NRP1: variants seen among roughly 807,000 people sequenced by gnomAD.
NRP1 encodes the protein neuropilin 1.
NRP1 carries 35 observed loss-of-function variants against 106.7 expected under a neutral mutation model. The ratio of observed to expected loss-of-function variants is 0.33; its 90% confidence interval spans 0.25 to 0.43. The LOEUF (loss-of-function observed/expected upper bound fraction) is 0.43, where lower values mean the gene tolerates loss of function less well. Ranked by LOEUF, NRP1 falls within the 20% of genes least tolerant of loss-of-function variation. The pLI is 1.00. For synonymous variants in NRP1, 437 were observed against 417.9 expected, an observed-to-expected ratio of 1.05 and a Z score of -0.56; for missense variants, 1,024 against 1,170.4, an observed-to-expected ratio of 0.87 and a Z score of 1.83.
At chr10:33,181,837 C>T (rs928892306) in intron 16 of NRP1, among the ~76,000 whole-genome samples, 4 of 152,270 alleles carry the variant, frequency 2.6e-5, no homozygotes, top group South Asian at 2.1e-4. Flanking sequence ...CAGTGGCTCA[C>T]GCCTGTAATC....
At chr10:33,263,547 G>T (rs1483965247) in intron 4 of NRP1, 99 bp downstream of exon 4, 10 of 832,866 alleles carry the variant, frequency 1.2e-5, no homozygotes, top group African/African-American at 1.7e-5. Flanking sequence ...TCCTTTTGAG[G>T]TTTTTTTTAA....
At chr10:33,292,614 G>A (rs1037385435) in intron 2 of NRP1, among the ~76,000 whole-genome samples, 34 of 152,142 alleles carry the variant, frequency 2.2e-4, no homozygotes, top group African/African-American at 6.8e-4. Flanking sequence ...CAATCTTAAC[G>A]TAGGGCTTGA....
chr10:33,249,548 T>A (rs1001662161), intron 6 of NRP1: 6 of 519,518 alleles, frequency 1.2e-5, no homozygotes, highest in Admixed American at 2.1e-5. Context: ...GTATTTTGCA[T>A]CCTAGAATGA....
At position 33,210,132 on chromosome 10, in the gene NRP1, G is replaced by T. The variant is rs182600925; in HGVS notation, c.1615-2416C>A. ...AATTGGCCTTTTCCAACTCAGAAAAGCCTCTAGGAGTTTAAAAATGCATTG... is the reference window on the plus strand; with the variant it reads ...AATTGGCCTTTTCCAACTCAGAAAATCCTCTAGGAGTTTAAAAATGCATTG... On this transcript the variant is annotated intron_variant, in intron 9 of 16. Coordinates refer to ENST00000374867, the MANE Select transcript of NRP1 (RefSeq NM_003873.7). Among the ~76,000 whole-genome samples the T allele has an allele frequency of 8.5e-5, 13 of 152,242 alleles. No homozygotes were observed. In the East Asian group the frequency reaches 1.5e-3, roughly 18 times the overall value.
At chr10:33,190,611 T>C (rs1472575758) in intron 13 of NRP1, among the ~76,000 whole-genome samples, 1 of 152,196 alleles carries the variant, frequency 6.6e-6, no homozygotes, top group Non-Finnish European at 1.5e-5. Flanking sequence ...ACTGACTCAC[T>C]CACCCAAAGA....
chr10:33,307,435 C>T (rs533886023), intron 2 of NRP1, among the ~76,000 whole-genome samples: 7 of 152,046 alleles, frequency 4.6e-5, no homozygotes, highest in South Asian at 2.1e-4. Context: ...CCTATCTGGC[C>T]GTTTTCAGAA....
chr10:33,205,841 C>A (rs1837730104), intron 10 of NRP1: 1 of 181,892 alleles, frequency 5.5e-6, no homozygotes, highest in Non-Finnish European at 1.2e-5. Context: ...CATTTTTTTC[C>A]CCCTAAACCA....
chr10:33,204,470 C>T lies in NRP1; in HGVS notation c.1760-1475G>A, dbSNP rs528717779. Among the ~76,000 whole-genome samples, 21 of 152,356 alleles carry T rather than the reference C, an allele frequency of 1.4e-4. No homozygotes were observed. In the South Asian group the frequency reaches 4.3e-3, roughly 32 times the overall value. On this transcript the variant is annotated intron_variant, in intron 10 of 16. Transcript: ENST00000374867. Reference sequence around the variant, plus strand: ...TCTTGCTGAAACAGTAGTATCTCCTCTGGCAAGCCAGATAGTTGTCTTTCT... The same window carrying T: ...TCTTGCTGAAACAGTAGTATCTCCTTTGGCAAGCCAGATAGTTGTCTTTCT...
intron 2 of NRP1, among the ~76,000 whole-genome samples, chr10:33,327,666 T>C (rs1847983276): frequency 6.8e-6 from 1 of 146,856 alleles, no homozygotes; most frequent in Admixed American, 6.8e-5. Context: ...CCAGGTTTTT[T>C]TTTTCCCCCT....
intron 15 of NRP1, 58 bp from the exon 16 acceptor site, chr10:33,182,806 C>A: frequency 4.3e-6 from 5 of 1,175,222 alleles, no homozygotes; most frequent in African/African-American, 1.5e-5. Context: ...ATATAATGCA[C>A]CAAACTACAC....
At chr10:33,233,393 G>A (rs1840311680) in intron 6 of NRP1, among the ~76,000 whole-genome samples, 1 of 152,164 alleles carries the variant, frequency 6.6e-6, no homozygotes, top group South Asian at 2.1e-4. Context: ...CCCAGACAAA[G>A]AGAAGCAAGG....
chr10:33,253,216 C>G (rs1402271980), intron 6 of NRP1, among the ~76,000 whole-genome samples: 3 of 152,078 alleles, frequency 2.0e-5, no homozygotes, highest in Non-Finnish European at 4.4e-5. Flanking sequence ...AGCATCAGGC[C>G]TTTGGGTGGG....
At chr10:33,318,151 T>G (rs1847170386) in intron 2 of NRP1, among the ~76,000 whole-genome samples, 2 of 152,176 alleles carry the variant, frequency 1.3e-5, no homozygotes, top group Admixed American at 1.3e-4. Context: ...CACTTTTGTT[T>G]CGGAATTAAA....
At chr10:33,222,010 T>G (rs1349545812) in intron 7 of NRP1, 147 bp from the exon 8 acceptor site, 2 of 780,838 alleles carry the variant, frequency 2.6e-6, no homozygotes, top group Non-Finnish European at 4.1e-6. Flanking sequence ...GCCATGTTAA[T>G]TTTTTCAATT....
intron 2 of NRP1, among the ~76,000 whole-genome samples, chr10:33,289,126 C>T (rs1217326471): frequency 2.0e-5 from 3 of 152,134 alleles, no homozygotes; most frequent in Non-Finnish European, 4.4e-5. Flanking sequence ...TCTTCTAAAT[C>T]GTTTAGGAAC....
At chr10:33,229,698 C>A (rs181836728) in intron 6 of NRP1, among the ~76,000 whole-genome samples, 90 of 152,058 alleles carry the variant, frequency 5.9e-4, no homozygotes, top group Non-Finnish European at 8.4e-4. Context: ...CAGAAGATTC[C>A]TAGGTATTAG....
chr10:33,304,631 C>A (rs1156799081), intron 2 of NRP1, among the ~76,000 whole-genome samples: 2 of 152,158 alleles, frequency 1.3e-5, no homozygotes, highest in African/African-American at 4.8e-5. Context: ...CTGTGTCTTT[C>A]CTTATGTTCT....
intron 9 of NRP1, among the ~76,000 whole-genome samples, chr10:33,207,987 G>A (rs987549338): frequency 6.6e-6 from 1 of 152,074 alleles, no homozygotes; most frequent in Non-Finnish European, 1.5e-5. Context: ...GTGCAATGAT[G>A]TGATTGCACC....
At chr10:33,196,659 A>G (rs1226308945) in intron 12 of NRP1, among the ~76,000 whole-genome samples, 1 of 152,188 alleles carries the variant, frequency 6.6e-6, no homozygotes, top group African/African-American at 2.4e-5. Context: ...AACATGCTAC[A>G]GGGCAGCTGG....
Sources: gnomAD v4.1 joint callset for allele counts (sites outside exome capture counted in the v4.1 genomes callset) on GRCh38, gnomAD v4.1.1 for gene constraint, MANE v1.5 for transcripts, NCBI Gene and HGNC (gene_info 2026-07-23, HGNC 2026-07-21) for gene names.